Variants in DCAF6 observed in about 807,000 individuals in gnomAD.
DCAF6 encodes DDB1- and CUL4-associated factor 6.
DCAF6 carries 54 observed loss-of-function variants against 125.1 expected under a neutral mutation model. The ratio of observed to expected loss-of-function variants is 0.43; its 90% CI spans 0.35 to 0.54. DCAF6 has a LOEUF of 0.54. DCAF6 is among the 20% of genes least tolerant of loss of function. The pLI is 0.01. For missense variants in DCAF6, 934 were observed against 1,161.7 expected (o/e 0.80, Z 2.85); for synonymous variants, 371 against 390.4 (o/e 0.95, Z 0.58).
chr1:167,899,691 G>T, the DCAF6 span: 1 of 1,531,218 alleles, frequency 6.5e-7, no homozygotes, highest in Non-Finnish European at 9.0e-7. Flanking sequence ...AGCAGCACAG[G>T]TTTTTGGAAA....
the DCAF6 span, among the ~76,000 whole-genome samples, chr1:167,921,565 C>T: frequency 6.6e-6 from 1 of 152,034 alleles, no homozygotes. Context: ...ATATACATGG[C>T]CATTTCTCTT....
At chr1:168,048,670 C>T (rs535423818) in intron 16 of DCAF6, among the ~76,000 whole-genome samples, 1 of 152,216 alleles carries the variant, frequency 6.6e-6, no homozygotes, top group Admixed American at 6.5e-5. Context: ...TACAGCAAGT[C>T]TATGTAAATG....
At chr1:168,009,393 T>TTCTTTCTTTCTC (rs1683904213) in intron 10 of DCAF6, among the ~76,000 whole-genome samples, 4 of 142,800 alleles carry the variant, frequency 2.8e-5, no homozygotes, top group East Asian at 2.3e-4. Context: ...CTTCCTTTCT[T>TTCTTTCTTTCTC]TCTTTCTTTC....
At chr1:167,906,622 CAAAA>C in the DCAF6 span, among the ~76,000 whole-genome samples, 1 of 109,502 alleles carries the variant, frequency 9.1e-6, no homozygotes, top group African/African-American at 3.2e-5. Flanking sequence ...CCCATCTCTA[CAAAA>C]AAAAAAAAAA....
chr1:167,931,080 C>G (rs946326019), upstream of DCAF6, among the ~76,000 whole-genome samples: 1 of 152,152 alleles, frequency 6.6e-6, no homozygotes, highest in Non-Finnish European at 1.5e-5. Context: ...TACAGGTGTG[C>G]ACCACCATGC....
In DCAF6 at chr1:167,936,863, C is replaced by A. The variant is rs746769749; in HGVS notation, c.-49C>A. Reference sequence around the variant, plus strand: ...GAAACGGGTGTCCCCTCCCCCTCCTCCCCTCCCCCACGCGGTGGTCTCCCC... The same window carrying A: ...GAAACGGGTGTCCCCTCCCCCTCCTACCCTCCCCCACGCGGTGGTCTCCCC... On this transcript the variant is annotated 5_prime_UTR_variant, in exon 1 of 22. Transcript: ENST00000367840. 1.7e-4 allele frequency: 200 copies of A among 1,144,676 alleles called. No individual in the cohort carries two copies. The highest frequency in any genetic ancestry group is 2.8e-4 in the Middle Eastern group (1 of 3,530). The allele number at this position is 1,144,676 out of a possible 1,614,324, so 70.9% of individuals were successfully genotyped here.
chr1:168,026,098 T>C (rs1282741529), intron 12 of DCAF6, among the ~76,000 whole-genome samples: 1 of 152,212 alleles, frequency 6.6e-6, no homozygotes, highest in Non-Finnish European at 1.5e-5. Flanking sequence ...AAAAATAATA[T>C]AACTTCACAA....
the DCAF6 span, chr1:167,880,351 T>G: frequency 2.1e-6 from 2 of 949,754 alleles, no homozygotes; most frequent in African/African-American, 1.6e-5. Flanking sequence ...GGCCCGGAGA[T>G]GCGAAGGAGG....
intron 11 of DCAF6, chr1:168,019,441 G>T: frequency 3.0e-6 from 1 of 335,526 alleles, no homozygotes; most frequent in Non-Finnish European, 6.2e-6. Context: ...TCAGGGTTTT[G>T]AATGAGCTAT....
intron 17 of DCAF6, among the ~76,000 whole-genome samples, chr1:168,052,862 T>G (rs916393779): frequency 1.3e-5 from 2 of 152,162 alleles, no homozygotes; most frequent in Admixed American, 1.3e-4. Flanking sequence ...ACTCCTGCTT[T>G]CAGTAGTTCT....
At chr1:167,903,128 C>T in the DCAF6 span, among the ~76,000 whole-genome samples, 5,554 of 151,578 alleles carry the variant, frequency 0.037, 220 homozygotes, top group African/African-American at 0.1. Context: ...TGGTGGCGCA[C>T]GCCTGTAACC....
At chr1:167,884,700 T>TA in the DCAF6 span, among the ~76,000 whole-genome samples, 2 of 147,568 alleles carry the variant, frequency 1.4e-5, no homozygotes, top group Non-Finnish European at 3.0e-5. Context: ...TTTAATTTTT[T>TA]TTTTTTTTTT....
At chr1:167,993,112 C>A in intron 6 of DCAF6, 114 bp from the exon 7 acceptor site, 1 of 927,708 alleles carries the variant, frequency 1.1e-6, no homozygotes. Flanking sequence ...AACGTGATGG[C>A]TTTTATTTGT....
intron 2 of DCAF6, among the ~76,000 whole-genome samples, chr1:167,957,755 A>G (rs1316359721): frequency 6.6e-6 from 1 of 152,136 alleles, no homozygotes; most frequent in African/African-American, 2.4e-5. Context: ...ACAGCAACAT[A>G]CAGGGTTCCA....
the DCAF6 span, among the ~76,000 whole-genome samples, chr1:167,896,161 C>T: frequency 1.3e-5 from 2 of 151,800 alleles, no homozygotes; most frequent in African/African-American, 2.4e-5. Flanking sequence ...CGGTGCAAGA[C>T]TGAAGAGCAG....
At chr1:168,021,008 A>C (rs1192288224) in intron 11 of DCAF6, among the ~76,000 whole-genome samples, 1 of 152,154 alleles carries the variant, frequency 6.6e-6, no homozygotes, top group African/African-American at 2.4e-5. Context: ...ACCAAAAAGG[A>C]AACCCTTTTA....
intron 16 of DCAF6, among the ~76,000 whole-genome samples, chr1:168,050,675 A>G (rs537566616): frequency 1.3e-5 from 2 of 152,206 alleles, no homozygotes; most frequent in South Asian, 4.1e-4. Context: ...TCTTCCTTCT[A>G]TTCTAGCTTC....
At chr1:168,003,608 C>G (rs999557061) in intron 8 of DCAF6, among the ~76,000 whole-genome samples, 1 of 151,976 alleles carries the variant, frequency 6.6e-6, no homozygotes, top group Non-Finnish European at 1.5e-5. Flanking sequence ...TTAGTGGTAC[C>G]TAAGAATAGG....
the DCAF6 span, among the ~76,000 whole-genome samples, chr1:167,894,749 T>C: frequency 6.6e-6 from 1 of 152,088 alleles, no homozygotes; most frequent in Admixed American, 6.5e-5. Context: ...CCTGAGGGCA[T>C]TAAGGAGATC....
Sources: gnomAD v4.1 joint callset for allele counts (sites outside exome capture counted in the v4.1 genomes callset) on GRCh38, gnomAD v4.1.1 for gene constraint, MANE v1.5 for transcripts, NCBI Gene and HGNC (gene_info 2026-07-23, HGNC 2026-07-21) for gene names.